The following ZNF675 variants were observed in gnomAD, a reference collection of about 807,000 sequenced individuals.
ZNF675 encodes zinc finger protein 675.
ZNF675 carries 36 observed loss-of-function variants against 56.1 expected under a neutral mutation model. That is an observed-to-expected ratio of 0.64 (90% CI 0.49 to 0.85). The LOEUF is 0.85. ZNF675 is among the 40% of genes least tolerant of loss of function. The probability of loss-of-function intolerance (pLI) is 0.00; values close to 1 mark genes in which losing one functional copy is unlikely to be tolerated. For synonymous variants in ZNF675, 200 were observed against 218.9 expected, an observed-to-expected ratio of 0.91 and a Z score of 0.76; for missense variants, 663 against 654.2, an observed-to-expected ratio of 1.01 and a Z score of -0.15.
chr19:23,676,782 T>TG (rs780185947), intron 1 of ZNF675, among the ~76,000 whole-genome samples: 8 of 151,710 alleles, frequency 5.3e-5, no homozygotes, highest in Non-Finnish European at 7.3e-5. Flanking sequence ...TCTTGAAAAC[T>TG]GGCACAAGAC....
chr19:23,662,109 C>T lies in ZNF675; in HGVS notation c.226+5G>A. ...CCTGTTGTATTCACTTTCATTCTCA[C>T]TTACCTGGGGGTTCATTCACCATCT... On this transcript the variant is annotated splice_donor_5th_base_variant and intron_variant, in intron 3 of 3. Transcript: ENST00000359788. 1 of 1,610,212 alleles carries T rather than the reference C, an allele frequency of 6.2e-7. No individual in the cohort carries two copies. Among genetic ancestry groups the T allele is most frequent in the Non-Finnish European group, 8.5e-7 (1 of 1,176,704 alleles).
intron 3 of ZNF675, among the ~76,000 whole-genome samples, chr19:23,658,900 T>TCTATATAG (rs1568289191): frequency 8.3e-5 from 2 of 24,164 alleles, no homozygotes; most frequent in African/African-American, 1.8e-4. Flanking sequence ...GATCTATAGA[T>TCTATATAG]ATCTATAGAT....
Position 23,653,250 on chromosome 19 carries a change from C to A in ZNF675, c.1683G>T (p.Glu561Asp). 1 of 1,602,230 alleles carries A rather than the reference C, an allele frequency of 6.2e-7. No homozygotes were observed. Reference sequence around the variant, plus strand: ...ATCACACATTCCAGTTCTGTAGTTTCTCTCCAGTATGTATTTTTTTATGTT... The same window carrying A: ...ATCACACATTCCAGTTCTGTAGTTTATCTCCAGTATGTATTTTTTTATGTT... Reference protein sequence around the residue: ...LTKHKKIHTGEKLQNWNV With the variant: ...LTKHKKIHTGDKLQNWNV The change falls in exon 4 of 4, where the codon GAG (glutamate) becomes GAT (aspartate). Residue 561 changes from glutamate to aspartate, a missense_variant. Transcript: ENST00000359788.
chr19:23,663,837 C>G (rs1568291016), intron 1 of ZNF675, among the ~76,000 whole-genome samples: 1 of 152,192 alleles, frequency 6.6e-6, no homozygotes, highest in Non-Finnish European at 1.5e-5. Flanking sequence ...ACAGATGGAG[C>G]CTCAACATTA....
chr19:23,662,175 AC>A lies in ZNF675; in HGVS notation c.164del (p.Cys55PhefsTer9). ...IAVSKQDLIT[C>X]LEQEKEPLTV... The stretch of plus-strand genomic sequence containing the variant: ...TCAAAGGCTCTTTTTCTTGCTCCAG[AC>A]AGGTGATCAGGTCTTGCTTAGAGAC... On this transcript the variant is annotated frameshift_variant, in exon 3 of 4. Coordinates refer to ENST00000359788, the MANE Select transcript of ZNF675 (RefSeq NM_138330.3). LOFTEE classifies it high-confidence loss of function. The A allele has an allele frequency of 6.2e-7, 1 of 1,613,316 alleles. No homozygotes were observed. Among genetic ancestry groups the A allele is most frequent in the Non-Finnish European group, 8.5e-7 (1 of 1,179,746 alleles).
chr19:23,654,713 G>A lies in ZNF675; in HGVS notation c.227-7C>T. 6.7e-7 allele frequency: 1 copy of A among 1,501,602 alleles called. No individual in the cohort carries two copies. Among genetic ancestry groups the A allele is most frequent in the South Asian group, 1.4e-5 (1 of 69,058 alleles). The allele number at this position is 1,501,602 out of a possible 1,614,324, so 93.0% of individuals were successfully genotyped here. ...GCAAAATGAGAACACATTACTGAAA[G>A]AAATAAAAATAACACATTACTTTAC... On this transcript the variant is annotated splice_region_variant and splice_polypyrimidine_tract_variant and intron_variant, in intron 3 of 3. Coordinates refer to ENST00000359788, the MANE Select transcript of ZNF675 (RefSeq NM_138330.3).
At chr19:23,668,106 G>A (rs988123404) in intron 1 of ZNF675, among the ~76,000 whole-genome samples, 1 of 149,804 alleles carries the variant, frequency 6.7e-6, no homozygotes, top group African/African-American at 2.5e-5. Context: ...GCTAGATACA[G>A]TGTCAACTGG....
At chr19:23,683,816 A>C (rs1968407993) in intron 1 of ZNF675, among the ~76,000 whole-genome samples, 1 of 151,982 alleles carries the variant, frequency 6.6e-6, no homozygotes, top group African/African-American at 2.4e-5. Context: ...TTCTAAACTC[A>C]CTCTGGGAAA....
chr19:23,684,043 C>G (rs1033860431), intron 1 of ZNF675, among the ~76,000 whole-genome samples: 1 of 151,554 alleles, frequency 6.6e-6, no homozygotes. Flanking sequence ...GGGCGGATCA[C>G]GAGGTCAGGA....
intron 1 of ZNF675, among the ~76,000 whole-genome samples, chr19:23,665,900 C>T (rs903627245): frequency 1.3e-5 from 2 of 152,210 alleles, no homozygotes; most frequent in African/African-American, 4.8e-5. Flanking sequence ...GTCCCTTACA[C>T]TCAGCACTCT....
intron 1 of ZNF675, among the ~76,000 whole-genome samples, chr19:23,668,260 TAC>T (rs1968181300): frequency 1.3e-5 from 2 of 149,064 alleles, no homozygotes; most frequent in East Asian, 4.1e-4. Context: ...AGCAGCTAGA[TAC>T]AGAGTGTCGA....
intron 1 of ZNF675, among the ~76,000 whole-genome samples, chr19:23,665,734 A>G (rs1968142773): frequency 6.6e-6 from 1 of 152,102 alleles, no homozygotes; most frequent in South Asian, 2.1e-4. Context: ...CCAGACCTCT[A>G]GTGATTCGCC....
At position 23,653,560 on chromosome 19, in the gene ZNF675, C is replaced by T. The variant is rs150723446; in HGVS notation, c.1373G>A (p.Gly458Asp). 21 of 1,611,112 alleles carry T rather than the reference C, an allele frequency of 1.3e-5. No homozygotes were observed. In the African/African-American group the frequency reaches 2.2e-4, roughly 17 times the overall value. The change falls in exon 4 of 4, where the codon GGC becomes GAC. Residue 458 changes from glycine (G) to aspartate (D), a missense_variant. This residue lies in a region of ZNF675 where 617 missense variants were observed against 590.5 expected (regional missense o/e 1.04). Coordinates refer to ENST00000359788, the MANE Select transcript of ZNF675 (RefSeq NM_138330.3). ...TTTTGAGGATTGGATAAAAGCTTTG[C>T]CACATTCTTCACATTTGTAGGGTTT... is the stretch of plus-strand genomic sequence containing the variant. ...GKKPYKCEEC[G>D]KAFIQSSKLT...
Position 23,676,697 on chromosome 19 carries a change from C to A in ZNF675, c.3+10334G>T, listed in dbSNP as rs1478160157. On this transcript the variant is annotated intron_variant, in intron 1 of 3. Transcript: ENST00000359788. Reference sequence around the variant, plus strand: ...CTCAACAAACTAGGCATTGAAGGTACATACTTCAAAAGAGTTATCTACGAC... The same window carrying A: ...CTCAACAAACTAGGCATTGAAGGTAAATACTTCAAAAGAGTTATCTACGAC... Among the ~76,000 whole-genome samples, 16 of 151,934 alleles carry A rather than the reference C, an allele frequency of 1.1e-4. No homozygotes were observed. The East Asian group carries it at 2.9e-3, about 27-fold the overall frequency.
intron 1 of ZNF675, among the ~76,000 whole-genome samples, chr19:23,666,706 G>A (rs1299423583): frequency 6.6e-6 from 1 of 150,734 alleles, no homozygotes; most frequent in Non-Finnish European, 1.5e-5. Flanking sequence ...CAGGAGAGGA[G>A]GTAGGCCCAA....
intron 3 of ZNF675, among the ~76,000 whole-genome samples, chr19:23,661,762 G>T (rs148714583): frequency 1.9e-4 from 29 of 152,156 alleles, no homozygotes; most frequent in African/African-American, 6.7e-4. Flanking sequence ...TGGAAAAAAA[G>T]AACTTAAAAA....
chr19:23,668,962 G>C (rs1968193407), intron 1 of ZNF675, among the ~76,000 whole-genome samples: 1 of 152,196 alleles, frequency 6.6e-6, no homozygotes, highest in Non-Finnish European at 1.5e-5. Context: ...GGCCAGCCCA[G>C]AAAGGGGCTC....
Position 23,668,706 on chromosome 19 carries a change from G to A in ZNF675, c.4-5548C>T, listed in dbSNP as rs1234732499. ...CAGCTAAGGCCCGGCGAGAAATCGA[G>A]CGCAGCGCCAGTGGGCTGGCACTGC... On this transcript the variant is annotated intron_variant, in intron 1 of 3. Transcript: ENST00000359788. Among the ~76,000 whole-genome samples, 6 of 152,234 alleles carry A rather than the reference G, an allele frequency of 3.9e-5. No individual in the cohort carries two copies. The East Asian group carries it at 1.2e-3, about 29-fold the overall frequency.
At chr19:23,658,394 A>G (rs187740326) in intron 3 of ZNF675, 1,685 of 151,966 alleles carry the variant, frequency 0.011, 11 homozygotes, top group Middle Eastern at 0.021. Context: ...AAAAACAAAG[A>G]CAATTTTGGG....
Sources: gnomAD v4.1 joint callset for allele counts (sites outside exome capture counted in the v4.1 genomes callset) on GRCh38, gnomAD v4.1.1 for gene constraint, gnomAD v4.1.1 regional missense constraint, MANE v1.5 for transcripts, NCBI Gene and HGNC (gene_info 2026-07-23, HGNC 2026-07-21) for gene names.